Variants in KIFAP3 observed in about 807,000 individuals in gnomAD.
KIFAP3 encodes kinesin associated protein 3.
In KIFAP3, 68 loss-of-function variants were observed where a neutral mutation model predicts 106.5. The ratio of observed to expected loss-of-function variants is 0.64; its 90% confidence interval spans 0.53 to 0.78. The LOEUF (loss-of-function observed/expected upper bound fraction) is 0.78, where lower values mean the gene tolerates loss of function less well. KIFAP3 is among the 30% of genes least tolerant of loss of function. The pLI is 0.00. For missense variants in KIFAP3, 780 were observed against 941.8 expected, an observed-to-expected ratio of 0.83 and a Z score of 2.25; for synonymous variants, 320 against 311.5, an observed-to-expected ratio of 1.03 and a Z score of -0.29.
chr1:169,983,533 A>G, intron 12 of KIFAP3, 151 bp from the exon 13 acceptor site: 1 of 619,236 alleles, frequency 1.6e-6, no homozygotes, highest in Non-Finnish European at 2.8e-6. Flanking sequence ...AACCCATACC[A>G]TATATCAACA....
intron 9 of KIFAP3, among the ~76,000 whole-genome samples, chr1:170,020,547 ACGCCATTCTC>A (rs1228801919): frequency 6.6e-6 from 1 of 152,114 alleles, no homozygotes. Flanking sequence ...TCCAGGGTTC[ACGCCATTCTC>A]CTGCCTCAGC....
intron 1 of KIFAP3, among the ~76,000 whole-genome samples, chr1:170,059,710 CA>C (rs1375495195): frequency 6.6e-6 from 1 of 150,536 alleles, no homozygotes. Context: ...AGAGACACAA[CA>C]AAAAAAAAGA....
intron 19 of KIFAP3, among the ~76,000 whole-genome samples, chr1:169,947,346 C>T (rs1434357819): frequency 6.6e-6 from 1 of 151,888 alleles, no homozygotes; most frequent in East Asian, 1.9e-4. Flanking sequence ...AAACAGGACA[C>T]TGTATTATTA....
chr1:169,972,576 G>A lies in KIFAP3; in HGVS notation c.1920C>T (p.Asp640=). 6.4e-7 allele frequency: 1 copy of A among 1,566,552 alleles called. No homozygotes were observed. The highest frequency in any genetic ancestry group is 8.8e-7 in the Non-Finnish European group (1 of 1,142,616). ...TTTCATTATTCTTATCATGCATTAGGTCTATGAGATATGCTGGAGCCTCTG... is the reference window on the plus strand; with the variant it reads ...TTTCATTATTCTTATCATGCATTAGATCTATGAGATATGCTGGAGCCTCTG... The part of the protein sequence containing the change: ...KETQAPAYLI[D]LMHDKNNEIR... The change falls in exon 17 of 20, where the codon GAC becomes GAT. Residue 640 remains aspartate (D), a synonymous_variant. Coordinates refer to ENST00000361580, the MANE Select transcript of KIFAP3 (RefSeq NM_014970.4).
intron 19 of KIFAP3, among the ~76,000 whole-genome samples, chr1:169,931,118 C>T (rs1663448711): frequency 6.6e-6 from 1 of 151,872 alleles, no homozygotes; most frequent in Admixed American, 6.6e-5. Context: ...TGGGGTTTTG[C>T]CACGTTGTCC....
chr1:169,923,628 A>G (rs150988451), intron 19 of KIFAP3, among the ~76,000 whole-genome samples: 4 of 152,154 alleles, frequency 2.6e-5, no homozygotes, highest in African/African-American at 7.2e-5. Context: ...TTGTTTCTCA[A>G]TCTAGGGGCT....
At chr1:169,980,594 C>T (rs1453820939) in intron 15 of KIFAP3, among the ~76,000 whole-genome samples, 2 of 152,182 alleles carry the variant, frequency 1.3e-5, no homozygotes, top group African/African-American at 4.8e-5. Flanking sequence ...AGCCACATTT[C>T]AAGTGTTCTA....
At chr1:170,061,907 G>A (rs1036218730) in intron 1 of KIFAP3, among the ~76,000 whole-genome samples, 13 of 152,158 alleles carry the variant, frequency 8.5e-5, no homozygotes, top group South Asian at 4.1e-4. Context: ...GCAAACTGTC[G>A]CAAGGACAGA....
intron 11 of KIFAP3, among the ~76,000 whole-genome samples, chr1:169,990,487 A>G (rs1381642012): frequency 2.0e-5 from 3 of 152,138 alleles, no homozygotes; most frequent in Non-Finnish European, 4.4e-5. Context: ...TTTTACACAG[A>G]GTATGTTTAT....
intron 8 of KIFAP3, among the ~76,000 whole-genome samples, chr1:170,026,938 C>A (rs1280668497): frequency 6.6e-6 from 1 of 151,904 alleles, no homozygotes; most frequent in Non-Finnish European, 1.5e-5. Flanking sequence ...TTAACTATGT[C>A]CCCAAATAAA....
At chr1:170,008,015 G>T (rs1668059115) in intron 10 of KIFAP3, among the ~76,000 whole-genome samples, 1 of 152,026 alleles carries the variant, frequency 6.6e-6, no homozygotes, top group Admixed American at 6.6e-5. Context: ...ACATACAATG[G>T]GGAAAGGATT....
chr1:170,039,271 T>C lies in KIFAP3; in HGVS notation c.337A>G (p.Ser113Gly), dbSNP rs748530966. 1.3e-6 allele frequency: 2 copies of C among 1,599,510 alleles called. No homozygotes were observed. Among genetic ancestry groups the C allele is most frequent in the African/African-American group, 1.3e-5 (1 of 74,750 alleles). The change falls in exon 4 of 20, where the codon AGC becomes GGC. Residue 113 changes from serine to glycine, a missense_variant. Ser to Gly is a moderately conservative substitution (Grantham distance 56, BLOSUM62 0). This residue lies in a region of KIFAP3 where 588 missense variants were observed against 678.9 expected (regional missense o/e 0.87). Coordinates refer to ENST00000361580, the MANE Select transcript of KIFAP3 (RefSeq NM_014970.4). ...LSGKEKKEKS[S>G]KPKDPPPFEG... ...AAAGGAGGTGGATCTTTAGGCTTGC[T>C]TGATTTTTCTTTTTTCTCTGTAAAA...
chr1:170,084,902 G>A (rs1009477927), intron 1 of KIFAP3: 6 of 152,088 alleles, frequency 3.9e-5, no homozygotes, highest in East Asian at 1.9e-4. Flanking sequence ...AGCAATATTC[G>A]TTTCTCTATA....
chr1:169,932,426 C>A (rs537378094), intron 19 of KIFAP3, among the ~76,000 whole-genome samples: 4 of 152,192 alleles, frequency 2.6e-5, no homozygotes, highest in East Asian at 3.9e-4. Flanking sequence ...CCTTTAGTTA[C>A]TGTAGTTTAA....
chr1:170,074,781 G>A, upstream of KIFAP3: 1 of 1,216,632 alleles, frequency 8.2e-7, no homozygotes, highest in Non-Finnish European at 1.0e-6. Flanking sequence ...AGAGTTTGAC[G>A]CACCGGGGAG....
At chr1:169,951,152 C>G (rs1664709034) in intron 19 of KIFAP3, among the ~76,000 whole-genome samples, 1 of 151,814 alleles carries the variant, frequency 6.6e-6, no homozygotes, top group Admixed American at 6.6e-5. Flanking sequence ...TTTAGGGTCC[C>G]TTTTCATTTG....
At chr1:170,006,900 A>T (rs1667994454) in intron 10 of KIFAP3, among the ~76,000 whole-genome samples, 1 of 152,182 alleles carries the variant, frequency 6.6e-6, no homozygotes, top group Non-Finnish European at 1.5e-5. Flanking sequence ...TGAAGTCAGC[A>T]AAGTAGTAAG....
intron 2 of KIFAP3, among the ~76,000 whole-genome samples, chr1:170,051,358 A>G (rs1670567294): frequency 1.3e-5 from 2 of 152,010 alleles, no homozygotes; most frequent in South Asian, 2.1e-4. Context: ...AGAGACCTAC[A>G]CTACAAAGAG....
At chr1:169,998,393 TATATATACACAC>T (rs1240076281) in intron 10 of KIFAP3, among the ~76,000 whole-genome samples, 7,298 of 108,826 alleles carry the variant, frequency 0.067, 535 homozygotes, top group African/African-American at 0.21. Context: ...TATATATATA[TATATATACACAC>T]ACACACACAC....
Sources: allele counts gnomAD v4.1 joint callset (sites outside exome capture counted in the v4.1 genomes callset), GRCh38; gene constraint gnomAD v4.1.1; regional missense constraint gnomAD v4.1.1; transcripts MANE v1.5; gene names NCBI Gene and HGNC (gene_info 2026-07-23, HGNC 2026-07-21).